CEP162: variants seen among roughly 807,000 people sequenced by gnomAD.
CEP162 encodes centrosomal protein of 162 kDa.
Under a neutral mutation model 169.2 loss-of-function variants are expected in CEP162, and 141 were observed. That is an observed-to-expected ratio of 0.83 (90% CI 0.73 to 0.96). The LOEUF (loss-of-function observed/expected upper bound fraction) is 0.96. CEP162 is among the 40% of genes least tolerant of loss of function. The probability of loss-of-function intolerance (pLI) is 0.00; values close to 1 mark genes in which losing one functional copy is unlikely to be tolerated. For synonymous variants in CEP162, 540 were observed against 526.4 expected (o/e 1.03, Z -0.35); for missense variants, 1,600 against 1,587.2 (o/e 1.01, Z -0.14).
chr6:84,193,179 T>C (rs1027419158), intron 11 of CEP162, among the ~76,000 whole-genome samples: 2 of 152,250 alleles, frequency 1.3e-5, no homozygotes, highest in Non-Finnish European at 2.9e-5. Flanking sequence ...ACCTGAAGCA[T>C]TTTAATGAGG....
intron 13 of CEP162, among the ~76,000 whole-genome samples, chr6:84,180,875 G>C (rs2129227915): frequency 6.6e-6 from 1 of 152,306 alleles, no homozygotes; most frequent in Admixed American, 6.5e-5. Flanking sequence ...AACATTCCAT[G>C]CTCATGGATA....
At chr6:84,221,632 T>C (rs1232547443) in intron 2 of CEP162, among the ~76,000 whole-genome samples, 1 of 152,170 alleles carries the variant, frequency 6.6e-6, no homozygotes, top group Non-Finnish European at 1.5e-5. Context: ...TTTTTTTCAG[T>C]GATTGATAAA....
At chr6:84,210,642 A>G (rs892833114) in intron 6 of CEP162, among the ~76,000 whole-genome samples, 2 of 152,320 alleles carry the variant, frequency 1.3e-5, no homozygotes, top group East Asian at 3.9e-4. Flanking sequence ...GTGAAAACAA[A>G]GCCCCAGAAA....
At chr6:84,132,928 G>C (rs1252383125) in intron 25 of CEP162, among the ~76,000 whole-genome samples, 1 of 152,108 alleles carries the variant, frequency 6.6e-6, no homozygotes, top group African/African-American at 2.4e-5. Context: ...TGGAGGAGAA[G>C]AGGCACTCTG....
intron 11 of CEP162, among the ~76,000 whole-genome samples, chr6:84,191,767 T>C (rs568115332): frequency 9.2e-5 from 14 of 152,218 alleles, no homozygotes; most frequent in African/African-American, 3.4e-4. Flanking sequence ...AAGAGTGAAA[T>C]TGATATTTTG....
At chr6:84,165,834 G>C (rs540468292) in intron 18 of CEP162, among the ~76,000 whole-genome samples, 4 of 152,270 alleles carry the variant, frequency 2.6e-5, no homozygotes, top group East Asian at 1.9e-4. Flanking sequence ...TTAGTTTCTA[G>C]CTGCATCGCA....
chr6:84,209,920 G>C (rs1296458627), intron 6 of CEP162, among the ~76,000 whole-genome samples: 1 of 152,166 alleles, frequency 6.6e-6, no homozygotes, highest in East Asian at 1.9e-4. Context: ...AGTAGACACA[G>C]AGACAAATGA....
At chr6:84,159,547 A>ATTTTTTTT (rs1166267578) in intron 21 of CEP162, among the ~76,000 whole-genome samples, 3 of 31,954 alleles carry the variant, frequency 9.4e-5, no homozygotes, top group Non-Finnish European at 1.5e-4. Context: ...ATATATATAT[A>ATTTTTTTT]TTTTTTTTTT....
intron 9 of CEP162, among the ~76,000 whole-genome samples, chr6:84,199,907 A>G (rs1454981896): frequency 6.6e-6 from 1 of 152,224 alleles, no homozygotes; most frequent in Non-Finnish European, 1.5e-5. Flanking sequence ...ATAAGTTTAA[A>G]TATTTATCCT....
chr6:84,209,347 T>C (rs2099548543), intron 6 of CEP162, among the ~76,000 whole-genome samples: 2 of 152,110 alleles, frequency 1.3e-5, no homozygotes, highest in African/African-American at 4.8e-5. Context: ...TTATAGTAAT[T>C]ATTGCTGTTA....
At chr6:84,145,106 C>A (rs761415140) in intron 25 of CEP162, among the ~76,000 whole-genome samples, 2 of 152,038 alleles carry the variant, frequency 1.3e-5, no homozygotes, top group African/African-American at 4.8e-5. Flanking sequence ...CCAATAAAGT[C>A]CCTTGGAAAA....
intron 2 of CEP162, among the ~76,000 whole-genome samples, chr6:84,224,779 T>C (rs9449846): frequency 0.05 from 7,591 of 151,960 alleles, 633 homozygotes; most frequent in African/African-American, 0.17. Flanking sequence ...TGTTGGAGAA[T>C]GTGTGTGCTG....
chr6:84,196,997 G>A (rs2099542434), intron 9 of CEP162, among the ~76,000 whole-genome samples: 1 of 152,116 alleles, frequency 6.6e-6, no homozygotes, highest in African/African-American at 2.4e-5. Flanking sequence ...GAATGAAAGA[G>A]GTCATTAATT....
At chr6:84,173,686 CTTT>C (rs3066635) in intron 16 of CEP162, among the ~76,000 whole-genome samples, 2 of 140,508 alleles carry the variant, frequency 1.4e-5, no homozygotes. Flanking sequence ...TTTAATATAC[CTTT>C]TTTTTTTTTT....
chr6:84,220,364 G>T (rs2099553214), intron 3 of CEP162, among the ~76,000 whole-genome samples: 1 of 152,130 alleles, frequency 6.6e-6, no homozygotes, highest in South Asian at 2.1e-4. Context: ...GGTGGCTTAG[G>T]CTTGTAATCT....
chr6:84,212,843 T>G (rs2099550043), intron 6 of CEP162, 114 bp downstream of exon 6: 1 of 682,460 alleles, frequency 1.5e-6, no homozygotes, highest in African/African-American at 1.8e-5. Flanking sequence ...ACCCACTCTA[T>G]TCAAAGCTCT....
intron 6 of CEP162, among the ~76,000 whole-genome samples, chr6:84,208,453 T>C (rs1050088104): frequency 3.3e-5 from 5 of 152,184 alleles, no homozygotes; most frequent in African/African-American, 1.2e-4. Context: ...AAAGACTACA[T>C]AAGGTACTAG....
intron 15 of CEP162, 86 bp downstream of exon 15, chr6:84,174,641 C>T (rs547481468): frequency 7.5e-6 from 5 of 671,012 alleles, no homozygotes; most frequent in African/African-American, 1.8e-5. Context: ...CTCTAGGAAC[C>T]AAGGATGACA....
In CEP162 at chr6:84,186,566, C is replaced by T; in HGVS notation, c.1167G>A (p.Lys389=). The T allele has an allele frequency of 1.2e-6, 2 of 1,612,194 alleles. No homozygotes were observed. The highest frequency in any genetic ancestry group is 2.2e-5 in the South Asian group (2 of 90,834). ...ETEFFSSLPL[K]MNPNILSQDS... is the part of the protein sequence containing the mutation. Reference sequence around the variant, plus strand: ...CTTGAGACAAAATATTTGGGTTCATCTTCAGGGGTAAAGAGCTAAAAAATT... The same window carrying T: ...CTTGAGACAAAATATTTGGGTTCATTTTCAGGGGTAAAGAGCTAAAAAATT... The change falls in exon 12 of 27, where the codon AAG becomes AAA. Residue 389 remains lysine, a synonymous_variant. Coordinates refer to ENST00000403245, the MANE Select transcript of CEP162 (RefSeq NM_014895.4).
Sources: allele counts gnomAD v4.1 joint callset (sites outside exome capture counted in the v4.1 genomes callset), GRCh38; gene constraint gnomAD v4.1.1; transcripts MANE v1.5; gene names NCBI Gene and HGNC (gene_info 2026-07-23, HGNC 2026-07-21).